Variants in UBA7 observed in about 807,000 individuals in gnomAD.
UBA7 encodes the protein ubiquitin-like modifier-activating enzyme 7.
Under a neutral mutation model 113.0 loss-of-function variants are expected in UBA7, and 88 were observed. The observed-to-expected ratio is 0.78, with a 90% CI of 0.66 to 0.93. The LOEUF is 0.93. Among genes scored for constraint, UBA7 ranks in the 40% least tolerant of loss-of-function variants. UBA7 has a pLI of 0.00. For missense variants in UBA7, 1,092 were observed against 1,266.4 expected (o/e 0.86, Z 2.09); for synonymous variants, 459 against 513.0 (o/e 0.89, Z 1.42).
chr3:49,812,379 C>T, intron 6 of UBA7, 29 bp downstream of exon 6: 1 of 1,613,516 alleles, frequency 6.2e-7, no homozygotes, highest in South Asian at 1.1e-5. Context: ...TTGGGCCCTG[C>T]ACCTGGAATT....
chr3:49,808,488 T>G lies in UBA7; in HGVS notation c.2348-20A>C. 6.2e-7 allele frequency: 1 copy of G among 1,613,368 alleles called. No homozygotes were observed. Among genetic ancestry groups the G allele is most frequent in the Non-Finnish European group, 8.5e-7 (1 of 1,179,570 alleles). On this transcript the variant is annotated intron_variant, in intron 18 of 23. Transcript: ENST00000333486. ...CAGGGCCTGTCAGGGGAGGGGATGT[T>G]GAGGCAGTCCTTAGCCCCTGTCTCC... is the stretch of plus-strand genomic sequence containing the variant.
Position 49,812,185 on chromosome 3 carries a change from C to T in UBA7, c.716G>A (p.Gly239Glu). 1.2e-6 allele frequency: 2 copies of T among 1,614,212 alleles called. No homozygotes were observed. Among genetic ancestry groups the T allele is most frequent in the Non-Finnish European group, 1.7e-6 (2 of 1,180,040 alleles). Reference sequence around the variant, plus strand: ...GTACCGAGAGAAAGTTGTTGTGTCTCCAATCTCCAGGGACCCATCCTCTGA... The same window carrying T: ...GTACCGAGAGAAAGTTGTTGTGTCTTCAATCTCCAGGGACCCATCCTCTGA... ...HVREDGSLEI[G>E]DTTTFSRYLR... The change falls in exon 7 of 24, where the codon GGA becomes GAA. Residue 239 changes from glycine to glutamate, a missense_variant. By Grantham distance (98) the Gly-to-Glu change is moderately conservative (BLOSUM62 -2). Coordinates refer to ENST00000333486, the MANE Select transcript of UBA7 (RefSeq NM_003335.3).
chr3:49,809,171 C>A lies in UBA7; in HGVS notation c.2164-12G>T, dbSNP rs1217377659. On this transcript the variant is annotated splice_polypyrimidine_tract_variant and intron_variant, in intron 17 of 23. Transcript: ENST00000333486. ...AGGAGGTGTGTGTCCTGCAGCCAGA[C>A]CAAGAGCAGGAACAGAGGCATGGGT... 24 of 1,603,554 alleles carry A rather than the reference C, an allele frequency of 1.5e-5. No homozygotes were observed. Among genetic ancestry groups the A allele is most frequent in the Admixed American group, 3.4e-5 (2 of 58,464 alleles).
chr3:49,806,328 C>A (rs553964901), intron 21 of UBA7, 163 bp from the exon 22 acceptor site: 1 of 641,700 alleles, frequency 1.6e-6, no homozygotes, highest in African/African-American at 1.8e-5. Flanking sequence ...GTCTCAGCCC[C>A]CTCCCCGTCC....
In UBA7 at chr3:49,810,295, C is replaced by T. The variant is rs151123294; in HGVS notation, c.1601G>A (p.Gly534Asp). Reference sequence around the variant, plus strand: ...GAAACTGTCCAGGGCAGCAGCCACACCATCCACACGGGAGAAAAAGTTATC... The same window carrying T: ...GAAACTGTCCAGGGCAGCAGCCACATCATCCACACGGGAGAAAAAGTTATC... The part of the protein sequence containing the change: ...YGDNFFSRVD[G>D]VAAALDSFQA... Residue 534 changes from glycine to aspartate, a missense_variant, in exon 13 of 24, where the codon GGT becomes GAT. By Grantham distance (94) the Gly-to-Asp change is moderately conservative. Transcript: ENST00000333486. The surrounding 1 kb of genome is among the most constrained non-coding windows in gnomAD (Gnocchi z 5.6). 111 of 1,613,996 alleles carry T rather than the reference C, an allele frequency of 6.9e-5. 1 individual carries two copies. The highest frequency in any genetic ancestry group is 8.9e-5 in the Non-Finnish European group (105 of 1,180,020).
At position 49,809,015 on chromosome 3, in the gene UBA7, C is replaced by T; in HGVS notation, c.2308G>A (p.Ala770Thr). Reference protein sequence around the residue: ...PDPQQMAPIFASNLELASASA... With the variant: ...PDPQQMAPIFTSNLELASASA... ...GCCGAAGCCAGCTCTAGATTACTAG[C>T]AAAGATGGGGGCCATCTGTTGGGGG... Residue 770 changes from alanine (A) to threonine (T), a missense_variant, in exon 18 of 24, where the codon GCT (alanine) becomes ACT (threonine). Ala to Thr is a moderately conservative substitution (Grantham distance 58). This residue lies in a region of UBA7 where 500 missense variants were observed against 529.3 expected (regional missense o/e 0.94). Transcript: ENST00000333486. 1 of 1,613,864 alleles carries T rather than the reference C, an allele frequency of 6.2e-7. No individual in the cohort carries two copies. Among genetic ancestry groups the T allele is most frequent in the South Asian group, 1.1e-5 (1 of 91,054 alleles).
At chr3:49,809,238 G>A (rs2081502690) in intron 17 of UBA7, 79 bp from the exon 18 acceptor site, 1 of 1,545,938 alleles carries the variant, frequency 6.5e-7, no homozygotes, top group African/African-American at 1.4e-5. Context: ...ATCTGTTTGA[G>A]TGCCTGCCTT....
intron 9 of UBA7, 51 bp downstream of exon 9, chr3:49,811,222 C>G (rs1559436092): frequency 3.1e-6 from 5 of 1,610,182 alleles, no homozygotes; most frequent in Non-Finnish European, 4.2e-6. Context: ...CTGACACACA[C>G]ACTGATCTCC....
rs1362620409 is a variant in UBA7, at chr3:49,810,401, C to G, written c.1495G>C (p.Ala499Pro). 6.2e-7 allele frequency: 1 copy of G among 1,614,028 alleles called. No homozygotes were observed. The highest frequency in any genetic ancestry group is 8.5e-7 in the Non-Finnish European group (1 of 1,180,036). The change falls in exon 13 of 24, where the codon GCT becomes CCT. Residue 499 changes from alanine to proline, a missense_variant. Ala to Pro is a conservative substitution (Grantham distance 27). This residue lies in a region of UBA7 where 584 missense variants were observed against 714.5 expected (regional missense o/e 0.82). Coordinates refer to ENST00000333486, the MANE Select transcript of UBA7 (RefSeq NM_003335.3). This position sits in a 1 kb window ranked among gnomAD's most constrained non-coding sequence, Gnocchi z 5.6. Reference sequence around the variant, plus strand: ...AAGTCTGGGTTCAGGCCCCGGGCAGCTGCTGCAGCCACCTCTGCCTTGGGT... The same window carrying G: ...AAGTCTGGGTTCAGGCCCCGGGCAGGTGCTGCAGCCACCTCTGCCTTGGGT... Reference protein sequence around the residue: ...GRPKAEVAAAAARGLNPDLQV... With the variant: ...GRPKAEVAAAPARGLNPDLQV...
Position 49,808,070 on chromosome 3 carries a change from C to A in UBA7, c.2473G>T (p.Ala825Ser). 1.9e-6 allele frequency: 3 copies of A among 1,614,148 alleles called. No individual in the cohort carries two copies. The highest frequency in any genetic ancestry group is 2.5e-6 in the Non-Finnish European group (3 of 1,180,016). Residue 825 changes from alanine to serine, a missense_variant, in exon 20 of 24, where the codon GCT becomes TCT. By Grantham distance (99) the Ala-to-Ser change is moderately conservative. Transcript: ENST00000333486. ...NFHVDFVVAA[A>S]SLRCQNYGIP... ...CCGTAGTTCTGACATCTCAGGCTAG[C>A]TGCCGCTACCACAAAGTCCACATGG...
rs747916534 is a variant in UBA7 at position 49,810,868 on chromosome 3, G to A, written c.1231-36C>T. 6.2e-7 allele frequency: 1 copy of A among 1,611,138 alleles called. No individual in the cohort carries two copies. The highest frequency in any genetic ancestry group is 8.5e-7 in the Non-Finnish European group (1 of 1,177,316). On this transcript the variant is annotated intron_variant, in intron 10 of 23. Coordinates refer to ENST00000333486, the MANE Select transcript of UBA7 (RefSeq NM_003335.3). The surrounding 1 kb of genome is among the most constrained non-coding windows in gnomAD (Gnocchi z 5.6). The stretch of plus-strand genomic sequence containing the variant: ...GAGACGGGGTCAGTGATGGCTACTG[G>A]CCTGCATCTCCTTCTTATACTGAGT...
rs369065924 is a variant in UBA7 at position 49,810,849 on chromosome 3, G to T, written c.1231-17C>A. ...GCTGCCTCTCTAGGGGACAGAGACG[G>T]GGTCAGTGATGGCTACTGGCCTGCA... is the stretch of plus-strand genomic sequence containing the variant. On this transcript the variant is annotated splice_polypyrimidine_tract_variant and intron_variant, in intron 10 of 23. Transcript: ENST00000333486. The surrounding 1 kb of genome is among the most constrained non-coding windows in gnomAD (Gnocchi z 5.6). 5 of 1,613,940 alleles carry T rather than the reference G, an allele frequency of 3.1e-6. No individual in the cohort carries two copies. In the African/African-American group the frequency reaches 5.3e-5, roughly 17 times the overall value.
In UBA7 at chr3:49,807,690, G is replaced by A. The variant is rs113678142; in HGVS notation, c.2715+46C>T. On this transcript the variant is annotated intron_variant, in intron 21 of 23. Coordinates refer to ENST00000333486, the MANE Select transcript of UBA7 (RefSeq NM_003335.3). This position sits in a 1 kb window ranked among gnomAD's most constrained non-coding sequence, Gnocchi z 4.0. ...GGGGCCTGTATGGGCAGGTGCAGGGGAAACCCAGGCCTAGTAGGGCTAAGG... is the reference window on the plus strand; with the variant it reads ...GGGGCCTGTATGGGCAGGTGCAGGGAAAACCCAGGCCTAGTAGGGCTAAGG... 4 of 1,555,752 alleles carry A rather than the reference G, an allele frequency of 2.6e-6. No homozygotes were observed. The highest frequency in any genetic ancestry group is 2.7e-5 in the African/African-American group (2 of 73,618).
rs772115998 is a variant in UBA7, at chr3:49,807,759, G to A, written c.2692C>T (p.Pro898Ser). The change falls in exon 21 of 24, where the codon CCT (proline) becomes TCT (serine). Residue 898 changes from proline (P) to serine (S), a missense_variant. This residue lies in a region of UBA7 where 500 missense variants were observed against 529.3 expected (regional missense o/e 0.94). Transcript: ENST00000333486. This position sits in a 1 kb window ranked among gnomAD's most constrained non-coding sequence, Gnocchi z 4.0. The stretch of plus-strand genomic sequence containing the variant: ...ACCGTCTGGATGGCTGGGGCAAAAG[G>A]CATATAGCGGATGAGGTAGTTTTCA... ...LAENYLIRYM[P>S]FAPAIQTFHH... is the part of the protein sequence containing the mutation. 1 of 1,611,888 alleles carries A rather than the reference G, an allele frequency of 6.2e-7. No homozygotes were observed. Among genetic ancestry groups the A allele is most frequent in the East Asian group, 2.2e-5 (1 of 44,894 alleles).
intron 8 of UBA7, 99 bp downstream of exon 8, chr3:49,811,771 G>C: frequency 6.4e-7 from 1 of 1,559,352 alleles, no homozygotes; most frequent in African/African-American, 1.4e-5. Flanking sequence ...GCAGTGTTGG[G>C]AGATCAGACT....
chr3:49,809,559 G>A lies in UBA7; in HGVS notation c.2071C>T (p.His691Tyr), dbSNP rs1431843038. ...CCACACACTTTATTAGGTGGGAAGT[G>A]CCTCAGCAGCTGTTTGATGCCATAA... ...FHYGIKQLLR[H>Y]FPPNKVLEDG... Residue 691 changes from histidine (H) to tyrosine (Y), a missense_variant, in exon 16 of 24, where the codon CAC (histidine) becomes TAC (tyrosine). His to Tyr is a moderately conservative substitution (Grantham distance 83). Around this residue, in one of 3 missense-constraint regions of UBA7, gnomAD observed 500 missense variants for 529.3 expected, o/e 0.94. Coordinates refer to ENST00000333486, the MANE Select transcript of UBA7 (RefSeq NM_003335.3). 3 of 1,614,020 alleles carry A rather than the reference G, an allele frequency of 1.9e-6. No homozygotes were observed. The highest frequency in any genetic ancestry group is 1.3e-5 in the African/African-American group (1 of 74,942).
Position 49,807,803 on chromosome 3 carries a change from T to G in UBA7, c.2648A>C (p.His883Pro), listed in dbSNP as rs780346278. ...GTTTTCAGCCAGATGTAGGTAGCTG[T>G]GGCGAAAGGCACTACGAGGCCGTGG... is the stretch of plus-strand genomic sequence containing the variant. ...SGPRPRSAFR[H>P]SYLHLAENYL... Residue 883 changes from histidine to proline, a missense_variant, in exon 21 of 24, where the codon CAC (histidine) becomes CCC (proline). Physicochemically the swap from His to Pro is moderately conservative, Grantham distance 77. Transcript: ENST00000333486. This position sits in a 1 kb window ranked among gnomAD's most constrained non-coding sequence, Gnocchi z 4.0. 1.9e-5 allele frequency: 30 copies of G among 1,613,992 alleles called. No homozygotes were observed. Among genetic ancestry groups the G allele is most frequent in the Non-Finnish European group, 2.5e-5 (29 of 1,180,004 alleles).
At position 49,810,716 on chromosome 3, in the gene UBA7, TC is replaced by T. The variant is rs772790984; in HGVS notation, c.1311+35del. The T allele has an allele frequency of 9.3e-6, 15 of 1,613,896 alleles. No homozygotes were observed. In the African/African-American group the frequency reaches 2.0e-4, roughly 22 times the overall value. On this transcript the variant is annotated intron_variant, in intron 11 of 23. Transcript: ENST00000333486. This position sits in a 1 kb window ranked among gnomAD's most constrained non-coding sequence, Gnocchi z 5.6. ...TTAGCCAGAGGGGCTGGGCTGGCTC[TC>T]CCAAAGGCACCCCCAGTCTCACCCC...
Position 49,805,944 on chromosome 3 carries a change from A to G in UBA7, c.2862T>C (p.Tyr954=), listed in dbSNP as rs1362201327. The change falls in exon 23 of 24, where the codon TAT becomes TAC. Residue 954 remains tyrosine (Y), a synonymous_variant. Transcript: ENST00000333486. ...GCTTTTCAGGTGACCATCCGGCCGCATAGAGCAGGGCTGAGCCGTGCAGCA... is the reference window on the plus strand; with the variant it reads ...GCTTTTCAGGTGACCATCCGGCCGCGTAGAGCAGGGCTGAGCCGTGCAGCA... ...RILLHGSALL[Y]AAGWSPEKQA... is the part of the protein sequence containing the mutation. The G allele has an allele frequency of 6.4e-7, 1 of 1,563,918 alleles. No individual in the cohort carries two copies. The highest frequency in any genetic ancestry group is 2.4e-5 in the East Asian group (1 of 41,838).
Sources: gnomAD v4.1 joint callset for allele counts on GRCh38, gnomAD v4.1.1 for gene constraint, gnomAD v4.1.1 regional missense constraint, Gnocchi (gnomAD v3.1) non-coding constraint, MANE v1.5 for transcripts, NCBI Gene and HGNC (gene_info 2026-07-23, HGNC 2026-07-21) for gene names.